ACY3: variants seen among roughly 807,000 people sequenced by gnomAD.
ACY3 encodes N-acyl-aromatic-L-amino acid amidohydrolase (carboxylate-forming).
ACY3 carries 20 observed loss-of-function variants against 24.6 expected under a neutral mutation model. That is an observed-to-expected ratio of 0.81 (90% CI 0.57 to 1.18). The LOEUF is 1.18. Ranked by LOEUF, ACY3 falls within the 50% of genes most tolerant of loss-of-function variation. ACY3 has a pLI of 0.00. For synonymous variants in ACY3, 174 were observed against 188.4 expected (o/e 0.92, Z 0.62); for missense variants, 423 against 426.8 (o/e 0.99, Z 0.08).
intron 5 of ACY3, 54 bp downstream of exon 5, chr11:67,645,233 C>A (rs1855489725): frequency 6.2e-7 from 1 of 1,607,366 alleles, no homozygotes; most frequent in Admixed American, 1.7e-5. Flanking sequence ...GGTGACTGGA[C>A]CCGCCCCTCC....
intron 6 of ACY3, 63 bp from the exon 7 acceptor site, chr11:67,644,932 G>A (rs553367297): frequency 5.5e-5 from 87 of 1,587,264 alleles, no homozygotes; most frequent in South Asian, 1.7e-4. Flanking sequence ...AGACTGGGCC[G>A]TGGGGGTACG....
rs1855532773 is a variant in ACY3 at position 67,647,069 on chromosome 11, G to T, written c.-20-6C>A. On this transcript the variant is annotated splice_region_variant and splice_polypyrimidine_tract_variant and intron_variant, in intron 2 of 7. Coordinates refer to ENST00000255082, the MANE Select transcript of ACY3 (RefSeq NM_080658.2). ...GCTGGTGTGGGGTGCAGAACCTGGG[G>T]GTGGGCATACTTAGGAGACCCTGGC... 1 of 1,479,234 alleles carries T rather than the reference G, an allele frequency of 6.8e-7. No homozygotes were observed. The highest frequency in any genetic ancestry group is 9.0e-7 in the Non-Finnish European group (1 of 1,113,318). 91.6% of individuals were successfully genotyped at this position (1,479,234 alleles called of 1,614,324 possible).
intron 7 of ACY3, among the ~76,000 whole-genome samples, chr11:67,644,383 A>G (rs959415541): frequency 3.3e-5 from 5 of 152,200 alleles, no homozygotes; most frequent in African/African-American, 7.2e-5. Flanking sequence ...CGAGGAACCA[A>G]TTGAAAATCA....
rs1264701015 is a variant in ACY3 at position 67,650,689 on chromosome 11, C to T, written c.-201G>A. 1 of 152,222 alleles carries T rather than the reference C, an allele frequency of 6.6e-6. No homozygotes were observed. Among genetic ancestry groups the T allele is most frequent in the Non-Finnish European group, 1.5e-5 (1 of 68,066 alleles). The allele number at this position is 152,222 out of a possible 1,614,324, so 9.4% of individuals were successfully genotyped here. Reference sequence around the variant, plus strand: ...ACCCCCGAAACAGCGGAAGCAGCTGCCTGGAGCTTTTGTTCTGTGCTGCTC... The same window carrying T: ...ACCCCCGAAACAGCGGAAGCAGCTGTCTGGAGCTTTTGTTCTGTGCTGCTC... On this transcript the variant is annotated 5_prime_UTR_variant, in exon 1 of 8. Transcript: ENST00000255082.
chr11:67,646,758 G>A (rs764981933), intron 3 of ACY3, 50 bp downstream of exon 3: 21 of 1,560,248 alleles, frequency 1.3e-5, no homozygotes, highest in Non-Finnish European at 1.7e-5. Flanking sequence ...TTTTGTGGTG[G>A]GGACTCGGTG....
At chr11:67,644,994 C>T (rs1316218799) in intron 6 of ACY3, 51 bp downstream of exon 6, 2 of 1,602,692 alleles carry the variant, frequency 1.2e-6, no homozygotes, top group South Asian at 1.1e-5. Flanking sequence ...ACCCCTGAGC[C>T]AGACCTGCTC....
chr11:67,645,958 G>T, intron 3 of ACY3, 71 bp from the exon 4 acceptor site: 1 of 1,464,992 alleles, frequency 6.8e-7, no homozygotes, highest in South Asian at 1.3e-5. Context: ...AAGGGGAAAG[G>T]GGCAGGGGCC....
At chr11:67,650,199 GA>G (rs889361679) in intron 1 of ACY3, among the ~76,000 whole-genome samples, 1 of 152,038 alleles carries the variant, frequency 6.6e-6, no homozygotes, top group Non-Finnish European at 1.5e-5. Context: ...TGCAGTTGGG[GA>G]AACTGAGACC....
intron 3 of ACY3, 100 bp from the exon 4 acceptor site, chr11:67,645,987 G>C: frequency 8.2e-7 from 1 of 1,222,394 alleles, no homozygotes; most frequent in South Asian, 1.5e-5. Context: ...GCCACTCTGA[G>C]CAGCTCGAGC....
In ACY3 at chr11:67,645,588, C is replaced by A; in HGVS notation, c.432+104G>T. On this transcript the variant is annotated intron_variant, in intron 4 of 7. Coordinates refer to ENST00000255082, the MANE Select transcript of ACY3 (RefSeq NM_080658.2). ...GGACTGGAGCCCAGGGGAAACTAGGCCCGGGGAAGAGGGGCTAAGCAAAGG... is the reference window on the plus strand; with the variant it reads ...GGACTGGAGCCCAGGGGAAACTAGGACCGGGGAAGAGGGGCTAAGCAAAGG... The A allele has an allele frequency of 7.1e-7, 1 of 1,407,646 alleles. No individual in the cohort carries two copies. 87.2% of individuals were successfully genotyped at this position (1,407,646 alleles called of 1,614,324 possible). A position where few individuals can be genotyped will look rare whatever the true frequency, so the allele number is the denominator to read the frequency against.
chr11:67,649,523 AGTGTGTGCGC>A (rs1271453788), intron 1 of ACY3, among the ~76,000 whole-genome samples: 1 of 149,856 alleles, frequency 6.7e-6, no homozygotes, highest in African/African-American at 2.6e-5. Context: ...CAGTCCTGGC[AGTGTGTGCGC>A]GTGTGTGCAT....
rs752205792 is a variant in ACY3 at position 67,646,841 on chromosome 11, TC to T, written c.202del (p.Asp68ThrfsTer23). 6.2e-6 allele frequency: 10 copies of T among 1,612,980 alleles called. No individual in the cohort carries two copies. The highest frequency in any genetic ancestry group is 8.5e-6 in the Non-Finnish European group (10 of 1,179,936). Reference protein sequence around the residue: ...TSGCRRYVDHDLNRTFTSSFL... With the variant: ...TSGCRRYVDHXLNRTFTSSFL... The stretch of plus-strand genomic sequence containing the variant: ...GCTGCTGGTGAAGGTGCGGTTGAGG[TC>T]ATGGTCCACGTAGCGGCGGCAGCCG... On this transcript the variant is annotated frameshift_variant, in exon 3 of 8. Transcript: ENST00000255082. LOFTEE classifies it high-confidence loss of function.
At chr11:67,645,669 T>C in intron 4 of ACY3, 23 bp downstream of exon 4, 1 of 1,578,840 alleles carries the variant, frequency 6.3e-7, no homozygotes, top group Non-Finnish European at 8.6e-7. Context: ...TCTGGGGAGC[T>C]GTGTGCTTGG....
intron 6 of ACY3, 25 bp downstream of exon 6, chr11:67,645,020 T>C (rs1446082605): frequency 6.8e-6 from 11 of 1,611,422 alleles, no homozygotes; most frequent in Non-Finnish European, 8.5e-6. Context: ...CGGACCTGTT[T>C]CCCGAAAGTC....
chr11:67,647,208 AC>A, intron 2 of ACY3, 145 bp from the exon 3 acceptor site: 1 of 574,088 alleles, frequency 1.7e-6, no homozygotes, highest in Non-Finnish European at 3.0e-6. Flanking sequence ...TCCCACCTGC[AC>A]CCCCAGTGGC....
rs371426555 is a variant in ACY3, at chr11:67,647,058, C to G, written c.-15G>C. The G allele has an allele frequency of 6.7e-7, 1 of 1,501,118 alleles. No homozygotes were observed. 93.0% of individuals were successfully genotyped at this position (1,501,118 alleles called of 1,614,324 possible). A position where few individuals can be genotyped will look rare whatever the true frequency, so the allele number is the denominator to read the frequency against. On this transcript the variant is annotated 5_prime_UTR_variant, in exon 3 of 8. Coordinates refer to ENST00000255082, the MANE Select transcript of ACY3 (RefSeq NM_080658.2). ...AGTGAGCACATGCTGGTGTGGGGTG[C>G]AGAACCTGGGGGTGGGCATACTTAG...
intron 1 of ACY3, among the ~76,000 whole-genome samples, chr11:67,648,149 C>T (rs1011279298): frequency 2.6e-5 from 4 of 152,220 alleles, no homozygotes; most frequent in Non-Finnish European, 5.9e-5. Context: ...ACTCGGTTTG[C>T]CCTGTTTTGG....
chr11:67,645,528 G>T, intron 4 of ACY3, 148 bp from the exon 5 acceptor site: 1 of 1,219,926 alleles, frequency 8.2e-7, no homozygotes, highest in Non-Finnish European at 1.1e-6. Context: ...AGGGGGTACC[G>T]GGGGCCTGGA....
chr11:67,646,830 T>G lies in ACY3; in HGVS notation c.214A>C (p.Thr72Pro). 1.2e-6 allele frequency: 2 copies of G among 1,612,936 alleles called. No homozygotes were observed. Among genetic ancestry groups the G allele is most frequent in the Non-Finnish European group, 1.7e-6 (2 of 1,179,914 alleles). Residue 72 changes from threonine (T) to proline (P), a missense_variant, in exon 3 of 8, where the codon ACC becomes CCC. Transcript: ENST00000255082. Reference protein sequence around the residue: ...RRYVDHDLNRTFTSSFLNSRP... With the variant: ...RRYVDHDLNRPFTSSFLNSRP... ...CACTTGAGGAAGCTGCTGGTGAAGG[T>G]GCGGTTGAGGTCATGGTCCACGTAG... is the stretch of plus-strand genomic sequence containing the variant.
Sources: gnomAD v4.1 joint callset for allele counts (sites outside exome capture counted in the v4.1 genomes callset) on GRCh38, gnomAD v4.1.1 for gene constraint, MANE v1.5 for transcripts, NCBI Gene and HGNC (gene_info 2026-07-23, HGNC 2026-07-21) for gene names.